FLG: variants seen among roughly 807,000 people sequenced by gnomAD.
FLG encodes the protein epidermal filaggrin.
Under a neutral mutation model 3.8 loss-of-function variants are expected in FLG, and 6 were observed. That is an observed-to-expected ratio of 1.60 (90% confidence interval 0.87 to 3.15). The LOEUF is 3.15. Ranked by LOEUF, FLG falls within the 30% of genes most tolerant of loss-of-function variation. The pLI is 0.00. For missense variants in FLG, 7,595 were observed against 5,050.9 expected (o/e 1.50, Z -15.27); for synonymous variants, 2,551 against 1,931.6 (o/e 1.32, Z -8.41).
rs754115013 is a variant in FLG, at chr1:152,307,148, A to T, written c.7738T>A (p.Ser2580Thr). 1.9e-6 allele frequency: 3 copies of T among 1,612,350 alleles called. 1 individual carries two copies. The African/African-American group carries it at 4.1e-5, about 22-fold the overall frequency. ...DSDSQGHSEDSERWSGSASRN... is the reference protein window; with the variant it reads ...DSDSQGHSEDTERWSGSASRN... ...GAAGCAGACCCAGACCACCTCTCAG[A>T]GTCTTCTGAGTGTCCCTGACTGTCA... is the stretch of plus-strand genomic sequence containing the variant. The change falls in exon 3 of 3, where the codon TCT becomes ACT. Residue 2580 changes from serine (S) to threonine (T), a missense_variant. Ser to Thr is a moderately conservative substitution (Grantham distance 58). Transcript: ENST00000368799.
chr1:152,312,819 A>T lies in FLG; in HGVS notation c.2067T>A (p.Ser689=). ...KSGTRHTQNS[S]SGQAASSHEQ... Reference sequence around the variant, plus strand: ...CATGGGATGACGCAGCCTGTCCACTAGAGGAATTCTGTGTGTGACGAGTGC... The same window carrying T: ...CATGGGATGACGCAGCCTGTCCACTTGAGGAATTCTGTGTGTGACGAGTGC... Residue 689 remains serine (S), a synonymous_variant, in exon 3 of 3, where the codon TCT becomes TCA. Coordinates refer to ENST00000368799, the MANE Select transcript of FLG (RefSeq NM_002016.2). The T allele has an allele frequency of 6.2e-7, 1 of 1,614,006 alleles. No homozygotes were observed. The highest frequency in any genetic ancestry group is 8.5e-7 in the Non-Finnish European group (1 of 1,180,006).
rs12405278 is a variant in FLG, at chr1:152,309,791, G to A, written c.5095C>T (p.Arg1699Cys). Residue 1699 changes from arginine (R) to cysteine (C), a missense_variant, in exon 3 of 3, where the codon CGC (arginine) becomes TGC (cysteine). Arg to Cys is a radical substitution (Grantham distance 180). Transcript: ENST00000368799. ...CCGACTACAGATGAATCTTGTCTGC[G>A]CCCAGTGCCTGAGTCTGTGGAGCTG... ...ADSSTDSGTG[R>C]RQDSSVVGDS... 0.17 allele frequency: 276,634 copies of A among 1,613,668 alleles called. 33,339 individuals are homozygous for A. Among genetic ancestry groups the A allele is most frequent in the East Asian group, 0.56 (25,172 of 44,772 alleles).
Position 152,308,933 on chromosome 1 carries a change from AAG to A in FLG, c.5951_5952del (p.Ser1984PhefsTer11). The A allele has an allele frequency of 6.2e-7, 1 of 1,614,096 alleles. No individual in the cohort carries two copies. Among genetic ancestry groups the A allele is most frequent in the African/African-American group, 1.3e-5 (1 of 75,042 alleles). On this transcript the variant is annotated frameshift_variant, in exon 3 of 3. Transcript: ENST00000368799. LOFTEE classifies it low-confidence loss of function (END_TRUNC). Reference sequence around the variant, plus strand: ...GATGACGCAGCCTGTCCACGAGAGGAAGACTCTGTGTGACGAGTGCCTGATTG... The same window carrying A: ...GATGACGCAGCCTGTCCACGAGAGGAACTCTGTGTGACGAGTGCCTGATTG... Reference protein sequence around the residue: ...SRQSGTRHTESSSRGQAASSH... With the variant: ...SRQSGTRHTEXSSRGQAASSH...
In FLG at chr1:152,307,193, A is replaced by C; in HGVS notation, c.7693T>G (p.Ser2565Ala). Residue 2565 changes from serine to alanine, a missense_variant, in exon 3 of 3, where the codon TCC becomes GCC. Ser to Ala is a moderately conservative substitution (Grantham distance 99). Coordinates refer to ENST00000368799, the MANE Select transcript of FLG (RefSeq NM_002016.2). ...CTGTCACTGTCCTGGCTAAAACTGG[A>C]TCCCCAGTTCCTGCTTGTCCTGGGC... is the stretch of plus-strand genomic sequence containing the variant. ...EGPRTSRNWGSSFSQDSDSQG... is the reference protein window; with the variant it reads ...EGPRTSRNWGASFSQDSDSQG... The C allele has an allele frequency of 3.1e-6, 5 of 1,612,450 alleles. No homozygotes were observed. Among genetic ancestry groups the C allele is most frequent in the Non-Finnish European group, 4.2e-6 (5 of 1,179,916 alleles).
Position 152,308,523 on chromosome 1 carries a change from C to T in FLG, c.6363G>A (p.Gln2121=), listed in dbSNP as rs761105257. The T allele has an allele frequency of 2.5e-6, 4 of 1,613,624 alleles. No homozygotes were observed. Among genetic ancestry groups the T allele is most frequent in the East Asian group, 2.2e-5 (1 of 44,858 alleles). Residue 2121 remains glutamine, a synonymous_variant, in exon 3 of 3, where the codon CAG becomes CAA. Coordinates refer to ENST00000368799, the MANE Select transcript of FLG (RefSeq NM_002016.2). ...TGGRQGSHYD[Q]AQDSSRHSAS... is the part of the protein sequence containing the mutation. The stretch of plus-strand genomic sequence containing the variant: ...CTGAGTGCCTGGAGCTGTCTTGTGC[C>T]TGATCATAATGGGATCCTTGTCTTC...
In FLG at chr1:152,308,100, A is replaced by G. The variant is rs781210845; in HGVS notation, c.6786T>C (p.Ser2262=). Reference sequence around the variant, plus strand: ...CAGATCCATGATGGTTTCTGGACGCAGACCCAGACCGCCTCTCAGAATCTT... The same window carrying G: ...CAGATCCATGATGGTTTCTGGACGCGGACCCAGACCGCCTCTCAGAATCTT... ...HSEDSERRSG[S]ASRNHHGSAQ... is the part of the protein sequence containing the mutation. The change falls in exon 3 of 3, where the codon TCT becomes TCC. Residue 2262 remains serine (S), a synonymous_variant. Transcript: ENST00000368799. The G allele has an allele frequency of 1.2e-6, 2 of 1,613,368 alleles. No homozygotes were observed. Among genetic ancestry groups the G allele is most frequent in the African/African-American group, 1.3e-5 (1 of 74,764 alleles).
chr1:152,312,469 G>C lies in FLG; in HGVS notation c.2417C>G (p.Ser806Cys). 6.2e-7 allele frequency: 1 copy of C among 1,613,660 alleles called. No individual in the cohort carries two copies. Among genetic ancestry groups the C allele is most frequent in the Non-Finnish European group, 8.5e-7 (1 of 1,179,896 alleles). ...AGTGCTGGGCCCTGTCCATCCATGG[G>C]AGGACTCAGACTGTTTATGAGTGCT... ...QVSTHKQSES[S>C]HGWTGPSTGV... Residue 806 changes from serine (S) to cysteine (C), a missense_variant, in exon 3 of 3, where the codon TCC becomes TGC. Transcript: ENST00000368799.
chr1:152,317,344 C>A (rs912034119), intron 1 of FLG, among the ~76,000 whole-genome samples: 3 of 152,080 alleles, frequency 2.0e-5, no homozygotes, highest in African/African-American at 7.2e-5. Flanking sequence ...TACATTCTGT[C>A]TTTACTTCCT....
chr1:152,308,088 G>T lies in FLG; in HGVS notation c.6798C>A (p.Asn2266Lys). ...ACTGCTCCTGAGCAGATCCATGATG[G>T]TTTCTGGACGCAGACCCAGACCGCC... ...SERRSGSASR[N>K]HHGSAQEQSR... Residue 2266 changes from asparagine (N) to lysine (K), a missense_variant, in exon 3 of 3, where the codon AAC (asparagine) becomes AAA (lysine). Transcript: ENST00000368799. 1.2e-6 allele frequency: 2 copies of T among 1,613,884 alleles called. No homozygotes were observed. Among genetic ancestry groups the T allele is most frequent in the East Asian group, 4.5e-5 (2 of 44,832 alleles).
rs757549527 is a variant in FLG, at chr1:152,309,704, C to T, written c.5182G>A (p.Glu1728Lys). 1.2e-6 allele frequency: 2 copies of T among 1,614,084 alleles called. No individual in the cohort carries two copies. Among genetic ancestry groups the T allele is most frequent in the South Asian group, 2.2e-5 (2 of 91,068 alleles). Residue 1728 changes from glutamate (E) to lysine (K), a missense_variant, in exon 3 of 3, where the codon GAG becomes AAG. Transcript: ENST00000368799. The part of the protein sequence containing the change: ...QASDSEGHSE[E>K]SDTQSVSAHG... ...GCTGACACTGACTGTGTGTCTGACT[C>T]TTCTGAGTGTCCCTCGCTGTCACTG... is the stretch of plus-strand genomic sequence containing the variant.
chr1:152,310,683 A>T lies in FLG; in HGVS notation c.4203T>A (p.His1401Gln), dbSNP rs376165154. 5.6e-6 allele frequency: 9 copies of T among 1,613,720 alleles called. No homozygotes were observed. In the East Asian group the frequency reaches 6.7e-5, roughly 12 times the overall value. Reference protein sequence around the residue: ...SGSQVTNSEGHSEDSDTQSVS... With the variant: ...SGSQVTNSEGQSEDSDTQSVS... The stretch of plus-strand genomic sequence containing the variant: ...CTGACTGTGTGTCTGAGTCTTCTGA[A>T]TGTCCCTCACTGTTAGTGACCTGAC... Residue 1401 changes from histidine (H) to glutamine (Q), a missense_variant, in exon 3 of 3, where the codon CAT becomes CAA. Physicochemically the swap from His to Gln is conservative, Grantham distance 24. Transcript: ENST00000368799.
chr1:152,319,998 G>A (rs1652903082), intron 1 of FLG, among the ~76,000 whole-genome samples: 1 of 151,330 alleles, frequency 6.6e-6, no homozygotes, highest in Admixed American at 6.6e-5. Flanking sequence ...TGAGAAAATG[G>A]AGTTAAGTAT....
In FLG at chr1:152,315,304, G is replaced by A. The variant is rs1170027916; in HGVS notation, c.138+15C>T. The A allele has an allele frequency of 6.2e-7, 1 of 1,612,466 alleles. No homozygotes were observed. The highest frequency in any genetic ancestry group is 1.1e-5 in the South Asian group (1 of 90,958). On this transcript the variant is annotated intron_variant, in intron 2 of 2. Coordinates refer to ENST00000368799, the MANE Select transcript of FLG (RefSeq NM_002016.2). ...AAACAAATGCTCTATCTTTGGTCTT[G>A]TCAGAGACTCTTACCTTCAGGATTT...
In FLG at chr1:152,307,260, G is replaced by A. The variant is rs781650357; in HGVS notation, c.7626C>T (p.Asp2542=). 4 of 1,613,046 alleles carry A rather than the reference G, an allele frequency of 2.5e-6. No homozygotes were observed. Among genetic ancestry groups the A allele is most frequent in the Middle Eastern group, 1.6e-4 (1 of 6,062 alleles). The part of the protein sequence containing the change: ...SRHHEASSRA[D]SSGHSQVGQG... ...GGCCCACCTGCGAGTGTCCAGAGCT[G>A]TCGGCCCGAGAGGAAGCTTCATGGT... Residue 2542 remains aspartate (D), a synonymous_variant, in exon 3 of 3, where the codon GAC becomes GAT. Coordinates refer to ENST00000368799, the MANE Select transcript of FLG (RefSeq NM_002016.2).
rs754737616 is a variant in FLG at position 152,305,607 on chromosome 1, C to T, written c.9279G>A (p.Gln3093=). 15 of 1,498,400 alleles carry T rather than the reference C, an allele frequency of 1.0e-5. 1 individual carries two copies. Among genetic ancestry groups the T allele is most frequent in the African/African-American group, 5.7e-5 (3 of 52,688 alleles). The allele number at this position is 1,498,400 out of a possible 1,614,324, so 92.8% of individuals were successfully genotyped here. The change falls in exon 3 of 3, where the codon CAG becomes CAA. Residue 3093 remains glutamine, a synonymous_variant. Coordinates refer to ENST00000368799, the MANE Select transcript of FLG (RefSeq NM_002016.2). ...TRGRQGSRHE[Q]AQDSSRHSAS... ...CTGAGTGCCTGGAGCTGTCTTGTGC[C>T]TGCTCATGGCGGGATCCTTGTCTTC... is the stretch of plus-strand genomic sequence containing the variant.
rs149721675 is a variant in FLG at position 152,309,605 on chromosome 1, G to A, written c.5281C>T (p.Arg1761Cys). 85 of 1,613,714 alleles carry A rather than the reference G, an allele frequency of 5.3e-5. No individual in the cohort carries two copies. Among genetic ancestry groups the A allele is most frequent in the Admixed American group, 4.0e-4 (24 of 59,976 alleles). The change falls in exon 3 of 3, where the codon CGT becomes TGT. Residue 1761 changes from arginine (R) to cysteine (C), a missense_variant. Arg to Cys is a radical substitution (Grantham distance 180, BLOSUM62 -3). Transcript: ENST00000368799. The part of the protein sequence containing the change: ...TRGQSGERSG[R>C]SGSFLYQVST... Reference sequence around the variant, plus strand: ...ACCTGGTAGAGGAAAGACCCTGAACGTCCAGACCTTTCCCCTGACTGGCCA... The same window carrying A: ...ACCTGGTAGAGGAAAGACCCTGAACATCCAGACCTTTCCCCTGACTGGCCA...
In FLG at chr1:152,310,995, A is replaced by C; in HGVS notation, c.3891T>G (p.Ser1297=). Residue 1297 remains serine (S), a synonymous_variant, in exon 3 of 3, where the codon TCT becomes TCG. Transcript: ENST00000368799. ...AGCCATCTCTTGACTGCTCCCGAGA[A>C]GATCCATGATGGTTTCTGGAAGCAG... is the stretch of plus-strand genomic sequence containing the variant. ...SGSASRNHHG[S]SREQSRDGSR... 6.2e-7 allele frequency: 1 copy of C among 1,613,802 alleles called. No individual in the cohort carries two copies. The highest frequency in any genetic ancestry group is 2.2e-5 in the East Asian group (1 of 44,828).
In FLG at chr1:152,313,238, T is replaced by A; in HGVS notation, c.1648A>T (p.Thr550Ser). Residue 550 changes from threonine (T) to serine (S), a missense_variant, in exon 3 of 3, where the codon ACA (threonine) becomes TCA (serine). Thr to Ser is a moderately conservative substitution (Grantham distance 58). Transcript: ENST00000368799. ...GHSGSHHSHT[T>S]SQGRSDASHG... Reference sequence around the variant, plus strand: ...GAGGCATCAGACCTTCCCTGGGATGTGGTGTGGCTGTGATGGGAACCTGAG... The same window carrying A: ...GAGGCATCAGACCTTCCCTGGGATGAGGTGTGGCTGTGATGGGAACCTGAG... The A allele has an allele frequency of 3.1e-6, 5 of 1,613,882 alleles. No homozygotes were observed. Among genetic ancestry groups the A allele is most frequent in the Non-Finnish European group, 4.2e-6 (5 of 1,180,002 alleles).
Position 152,302,966 on chromosome 1 carries a change from A to C in FLG, c.11920T>G (p.Trp3974Gly), listed in dbSNP as rs1651698227. 2 of 1,614,062 alleles carry C rather than the reference A, an allele frequency of 1.2e-6. No individual in the cohort carries two copies. Among genetic ancestry groups the C allele is most frequent in the Admixed American group, 3.3e-5 (2 of 60,004 alleles). Residue 3974 changes from tryptophan (W) to glycine (G), a missense_variant, in exon 3 of 3, where the codon TGG (tryptophan) becomes GGG (glycine). Transcript: ENST00000368799. ...GCACTACCATAGCTGCCATGTCTCC[A>C]AACTAAACCTGATTGACCTTTTTGC... Reference protein sequence around the residue: ...ERQKGQSGLVWRHGSYGSADY... With the variant: ...ERQKGQSGLVGRHGSYGSADY...
Sources: gnomAD v4.1 joint callset for allele counts (sites outside exome capture counted in the v4.1 genomes callset) on GRCh38, gnomAD v4.1.1 for gene constraint, MANE v1.5 for transcripts, NCBI Gene and HGNC (gene_info 2026-07-23, HGNC 2026-07-21) for gene names.